The following ECI2 variants were observed in gnomAD, a reference collection of about 807,000 sequenced individuals.
ECI2 encodes D3,D2-enoyl-CoA isomerase.
In ECI2, 27 loss-of-function variants were observed where a neutral mutation model predicts 38.4. That is an observed-to-expected ratio of 0.70 (90% CI 0.52 to 0.97). ECI2 has a LOEUF of 0.97. Ranked by LOEUF, ECI2 falls within the 50% of genes least tolerant of loss-of-function variation. The pLI is 0.00. For missense variants in ECI2, 470 were observed against 474.4 expected (o/e 0.99, Z 0.09); for synonymous variants, 168 against 172.0 (o/e 0.98, Z 0.18).
chr6:4,129,609 G>C (rs1461838242), intron 4 of ECI2, among the ~76,000 whole-genome samples: 1 of 152,200 alleles, frequency 6.6e-6, no homozygotes, highest in African/African-American at 2.4e-5. Flanking sequence ...TAGTTGTAGA[G>C]AAATGAGTCA....
chr6:4,126,064 G>T, intron 6 of ECI2, 71 bp downstream of exon 6: 1 of 1,256,622 alleles, frequency 8.0e-7, no homozygotes. Context: ...TTGCACTTTT[G>T]CTCAACTAAA....
chr6:4,121,695 T>G (rs370881386), intron 7 of ECI2, among the ~76,000 whole-genome samples: 16,243 of 102,880 alleles, frequency 0.16, 1,150 homozygotes, highest in Non-Finnish European at 0.21. Context: ...CATTTTTAGT[T>G]TTTTTTTTTT....
intron 4 of ECI2, 21 bp from the exon 5 acceptor site, chr6:4,127,852 G>GA: frequency 6.2e-7 from 1 of 1,600,480 alleles, no homozygotes; most frequent in South Asian, 1.1e-5. Context: ...GGAAGACAAG[G>GA]AAAAGAAAAG....
rs1436501441 is a variant in ECI2, at chr6:4,117,471, G to A, written c.886-20C>T. On this transcript the variant is annotated intron_variant, in intron 8 of 9. Coordinates refer to ENST00000380118, the MANE Select transcript of ECI2 (RefSeq NM_206836.3). ...TGTTGCCTGAAATGAAAAGCAAGAA[G>A]CAAGGTTAAGATACTAACTTAATAA... 6.2e-7 allele frequency: 1 copy of A among 1,608,618 alleles called. No individual in the cohort carries two copies. The highest frequency in any genetic ancestry group is 8.5e-7 in the Non-Finnish European group (1 of 1,178,566).
At chr6:4,118,433 A>T (rs1772429540) in intron 8 of ECI2, 1 of 152,248 alleles carries the variant, frequency 6.6e-6, no homozygotes, top group South Asian at 2.1e-4. Context: ...GAGAGTAAAA[A>T]CATACATATA....
Position 4,126,139 on chromosome 6 carries a change from G to C in ECI2, c.670C>G (p.Leu224Val). The C allele has an allele frequency of 6.2e-7, 1 of 1,613,406 alleles. No individual in the cohort carries two copies. Among genetic ancestry groups the C allele is most frequent in the Non-Finnish European group, 8.5e-7 (1 of 1,179,590 alleles). The change falls in exon 6 of 10, where the codon CTG (leucine) becomes GTG (valine). Residue 224 changes from leucine to valine, a missense_variant. Leu to Val is a conservative substitution (Grantham distance 32). Coordinates refer to ENST00000380118, the MANE Select transcript of ECI2 (RefSeq NM_206836.3). ...ACAAAGGTCAGTAACTCTTACCTCA[G>C]TAAAACGGCATTATTTTTAGCTTTC... ...EEKAKNNAVL[L>V]REFVGCFIDF...
At chr6:4,121,735 TAATG>T (rs1029453798) in intron 7 of ECI2, among the ~76,000 whole-genome samples, 52 of 151,940 alleles carry the variant, frequency 3.4e-4, no homozygotes, top group South Asian at 1.5e-3. Context: ...TTGTGTTTCT[TAATG>T]AATAAATTAT....
rs764938282 is a variant in ECI2, at chr6:4,130,811, T to C, written c.268A>G (p.Lys90Glu). Residue 90 changes from lysine to glutamate, a missense_variant, in exon 3 of 10, where the codon AAG (lysine) becomes GAG (glutamate). Physicochemically the swap from Lys to Glu is moderately conservative, Grantham distance 56 (BLOSUM62 1). Coordinates refer to ENST00000380118, the MANE Select transcript of ECI2 (RefSeq NM_206836.3). Reference protein sequence around the residue: ...PKPGVFDLINKAKWDAWNALG... With the variant: ...PKPGVFDLINEAKWDAWNALG... ...GCATTCCATGCGTCCCATTTGGCCT[T>C]GTTGATCAAGTCAAATACACCTGGT... 1 of 1,614,226 alleles carries C rather than the reference T, an allele frequency of 6.2e-7. No homozygotes were observed. The highest frequency in any genetic ancestry group is 8.5e-7 in the Non-Finnish European group (1 of 1,180,030).
intron 5 of ECI2, among the ~76,000 whole-genome samples, chr6:4,126,862 CATTT>C (rs1402928717): frequency 6.6e-6 from 1 of 152,130 alleles, no homozygotes; most frequent in Non-Finnish European, 1.5e-5. Flanking sequence ...TTTAAATGTT[CATTT>C]AGATGAGTTT....
chr6:4,117,410 T>G lies in ECI2; in HGVS notation c.927A>C (p.Gly309=). 1.2e-6 allele frequency: 2 copies of G among 1,613,880 alleles called. No individual in the cohort carries two copies. Among genetic ancestry groups the G allele is most frequent in the Non-Finnish European group, 1.7e-6 (2 of 1,179,968 alleles). The part of the protein sequence containing the change: ...MLIFGKKLTA[G]EACAQGLVTE... ...TAACAAGTCCTTGAGCACATGCCTC[T>G]CCCGCTGTTAACTTCTTTCCAAAAA... Residue 309 remains glycine (G), a synonymous_variant, in exon 9 of 10, where the codon GGA becomes GGC. Coordinates refer to ENST00000380118, the MANE Select transcript of ECI2 (RefSeq NM_206836.3).
At chr6:4,120,335 C>T (rs936372567) in intron 7 of ECI2, among the ~76,000 whole-genome samples, 1 of 152,184 alleles carries the variant, frequency 6.6e-6, no homozygotes, top group Non-Finnish European at 1.5e-5. Flanking sequence ...GTGGTAATCC[C>T]TACTGCTTCC....
Position 4,133,624 on chromosome 6 carries a change from T to C in ECI2, c.138A>G (p.Ser46=). ...MRASQKDFEN[S]MNQVKLLKKD... ...TTTTCAAGAGTTTCACTTGATTCAT[T>C]GAATTTTCAAAGTCCTTCTGACTGG... Residue 46 remains serine, a synonymous_variant, in exon 2 of 10, where the codon TCA becomes TCG. Transcript: ENST00000380118. The C allele has an allele frequency of 6.2e-7, 1 of 1,614,064 alleles. No individual in the cohort carries two copies. Among genetic ancestry groups the C allele is most frequent in the East Asian group, 2.2e-5 (1 of 44,872 alleles).
intron 7 of ECI2, chr6:4,122,118 A>T (rs1284342927): frequency 1.1e-6 from 1 of 944,926 alleles, no homozygotes; most frequent in Admixed American, 2.2e-5. Flanking sequence ...GGTGGAGTTA[A>T]GGGTTTAGGC....
intron 6 of ECI2, 73 bp from the exon 7 acceptor site, chr6:4,125,443 A>C (rs953494647): frequency 1.9e-6 from 3 of 1,588,196 alleles, no homozygotes; most frequent in Non-Finnish European, 2.6e-6. Context: ...AGACAGTCTG[A>C]CTCTGAGATA....
intron 7 of ECI2, 189 bp downstream of exon 7, chr6:4,125,061 T>A (rs1280067946): frequency 1.1e-6 from 1 of 937,216 alleles, no homozygotes; most frequent in Non-Finnish European, 1.6e-6. Flanking sequence ...CACAACAAAA[T>A]GCAAGTTAAT....
intron 1 of ECI2, chr6:4,135,284 C>T (rs768260184): frequency 7.6e-7 from 1 of 1,309,150 alleles, no homozygotes; most frequent in Non-Finnish European, 1.0e-6. Context: ...GAACCATAGC[C>T]CTGACCTCCC....
At chr6:4,133,785 A>G in intron 1 of ECI2, 74 bp from the exon 2 acceptor site, 6 of 1,484,682 alleles carry the variant, frequency 4.0e-6, no homozygotes, top group Middle Eastern at 1.8e-4. Context: ...AATTGTTCCC[A>G]GCCTATACAT....
intron 8 of ECI2, 161 bp downstream of exon 8, chr6:4,119,025 G>T: frequency 1.7e-6 from 1 of 593,300 alleles, no homozygotes; most frequent in Non-Finnish European, 2.8e-6. Context: ...CCCATAGCCT[G>T]ATTCCTCCAT....
intron 9 of ECI2, 75 bp downstream of exon 9, chr6:4,117,233 T>C: frequency 6.6e-7 from 1 of 1,515,844 alleles, no homozygotes; most frequent in Non-Finnish European, 8.8e-7. Context: ...TTATGACTTA[T>C]TCTCTGAAGG....
Sources: gnomAD v4.1 joint callset for allele counts (sites outside exome capture counted in the v4.1 genomes callset) on GRCh38, gnomAD v4.1.1 for gene constraint, MANE v1.5 for transcripts, NCBI Gene and HGNC (gene_info 2026-07-23, HGNC 2026-07-21) for gene names.